The following LDLRAD3 variants were observed in gnomAD, a reference collection of about 807,000 sequenced individuals.
The protein encoded by LDLRAD3 is low-density lipoprotein receptor class A domain-containing protein 3.
A neutral mutation model predicts 29.4 loss-of-function variants in LDLRAD3; 20 were observed. That is an observed-to-expected ratio of 0.68 (90% CI 0.48 to 0.99). The LOEUF (loss-of-function observed/expected upper bound fraction) is 0.99, where lower values mean the gene tolerates loss of function less well. LDLRAD3 is among the 50% of genes least tolerant of loss of function. The pLI is 0.00. For synonymous variants in LDLRAD3, 157 were observed against 192.7 expected, an observed-to-expected ratio of 0.81 and a Z score of 1.53; for missense variants, 420 against 454.3, an observed-to-expected ratio of 0.92 and a Z score of 0.69.
chr11:36,219,680 A>G (rs2133387875), intron 4 of LDLRAD3, among the ~76,000 whole-genome samples: 1 of 152,394 alleles, frequency 6.6e-6, no homozygotes, highest in East Asian at 1.9e-4. Flanking sequence ...ACATAAATGT[A>G]GAAGCTAAAG....
chr11:36,076,404 T>C (rs1190482293), intron 2 of LDLRAD3, among the ~76,000 whole-genome samples: 2 of 152,050 alleles, frequency 1.3e-5, no homozygotes, highest in Non-Finnish European at 2.9e-5. Flanking sequence ...CTTTTTTTTT[T>C]TGAGATGAGT....
intron 4 of LDLRAD3, among the ~76,000 whole-genome samples, chr11:36,202,357 A>G (rs984132679): frequency 6.6e-6 from 1 of 152,160 alleles, no homozygotes; most frequent in Non-Finnish European, 1.5e-5. Context: ...TTTATCTATA[A>G]TGCAGGATGT....
chr11:36,006,183 T>C (rs118047503), intron 1 of LDLRAD3, among the ~76,000 whole-genome samples: 1 of 152,334 alleles, frequency 6.6e-6, no homozygotes, highest in East Asian at 1.9e-4. Context: ...AGCAGTTTGA[T>C]TCTGTTTAAT....
intron 4 of LDLRAD3, among the ~76,000 whole-genome samples, chr11:36,111,928 A>C (rs1853612005): frequency 6.6e-6 from 1 of 152,100 alleles, no homozygotes; most frequent in South Asian, 2.1e-4. Flanking sequence ...CATTTTGTGG[A>C]ATGCCTCTAA....
At chr11:36,060,401 T>C (rs1852681403) in intron 2 of LDLRAD3, among the ~76,000 whole-genome samples, 1 of 150,692 alleles carries the variant, frequency 6.6e-6, no homozygotes, top group Non-Finnish European at 1.5e-5. Context: ...TCAAAGATCA[T>C]GTAGCCATGT....
intron 1 of LDLRAD3, among the ~76,000 whole-genome samples, chr11:36,031,890 A>G (rs1244576190): frequency 1.3e-5 from 2 of 152,238 alleles, no homozygotes; most frequent in Non-Finnish European, 2.9e-5. Context: ...AGCAAAGTCC[A>G]CAGACTGGGT....
intron 2 of LDLRAD3, among the ~76,000 whole-genome samples, chr11:36,064,529 A>G (rs1161706149): frequency 7.7e-6 from 1 of 130,168 alleles, no homozygotes; most frequent in African/African-American, 3.0e-5. Context: ...CATGTTGCCC[A>G]GGCTGGTCTC....
At chr11:36,093,587 G>A (rs570632107) in intron 3 of LDLRAD3, among the ~76,000 whole-genome samples, 1 of 152,228 alleles carries the variant, frequency 6.6e-6, no homozygotes, top group African/African-American at 2.4e-5. Flanking sequence ...ACCTCCACAG[G>A]CAGTGACGCT....
At chr11:36,079,231 T>C (rs1853070946) in intron 2 of LDLRAD3, among the ~76,000 whole-genome samples, 1 of 152,348 alleles carries the variant, frequency 6.6e-6, no homozygotes, top group East Asian at 1.9e-4. Context: ...TTTTGACTTA[T>C]CAGTATGTCC....
At chr11:35,965,034 G>A (rs1299454003) in intron 1 of LDLRAD3, among the ~76,000 whole-genome samples, 2 of 151,138 alleles carry the variant, frequency 1.3e-5, no homozygotes, top group African/African-American at 4.9e-5. Context: ...TGGGGCGGAA[G>A]TGGAGGCAGC....
At chr11:36,055,934 G>A (rs972425666) in intron 2 of LDLRAD3, among the ~76,000 whole-genome samples, 1 of 147,764 alleles carries the variant, frequency 6.8e-6, no homozygotes, top group Non-Finnish European at 1.5e-5. Context: ...TATGCAAAAT[G>A]GTAGAGACTC....
At chr11:36,051,179 T>A (rs1384468412) in intron 2 of LDLRAD3, among the ~76,000 whole-genome samples, 3 of 152,200 alleles carry the variant, frequency 2.0e-5, no homozygotes, top group Non-Finnish European at 4.4e-5. Flanking sequence ...AAGAAGAGGA[T>A]GCTGCATATT....
At chr11:36,048,745 T>A (rs541181850) in intron 2 of LDLRAD3, among the ~76,000 whole-genome samples, 2 of 152,326 alleles carry the variant, frequency 1.3e-5, no homozygotes, top group Admixed American at 6.5e-5. Context: ...CCACCAGGCC[T>A]CTTCCATCTC....
Position 36,098,481 on chromosome 11 carries a change from T to A in LDLRAD3, c.454+20T>A, listed in dbSNP as rs1231194187. 8.7e-6 allele frequency: 14 copies of A among 1,613,834 alleles called. 1 individual carries two copies. In the South Asian group the frequency reaches 1.5e-4, roughly 18 times the overall value. ...CTCAAGGTAGGAACCTCTCAAGCTC[T>A]AAAAAGATAATTGCAACACAACACT... On this transcript the variant is annotated intron_variant, in intron 4 of 5. Transcript: ENST00000315571.
intron 1 of LDLRAD3, among the ~76,000 whole-genome samples, chr11:35,950,855 G>A (rs1009584848): frequency 6.6e-6 from 1 of 152,162 alleles, no homozygotes; most frequent in African/African-American, 2.4e-5. Context: ...GGGCCGAGGT[G>A]GGCGGATCAC....
chr11:36,220,265 A>G (rs1246072901), intron 4 of LDLRAD3, among the ~76,000 whole-genome samples: 1 of 152,206 alleles, frequency 6.6e-6, no homozygotes, highest in Non-Finnish European at 1.5e-5. Context: ...TGCTATAGCA[A>G]CTTTGGAGAA....
At chr11:36,189,460 G>C (rs1455370526) in intron 4 of LDLRAD3, among the ~76,000 whole-genome samples, 1 of 151,836 alleles carries the variant, frequency 6.6e-6, no homozygotes, top group Admixed American at 6.6e-5. Context: ...CTCCAGCTTG[G>C]GTGACAGAGC....
intron 3 of LDLRAD3, among the ~76,000 whole-genome samples, chr11:36,088,053 C>T (rs193251293): frequency 6.6e-6 from 1 of 152,000 alleles, no homozygotes; most frequent in East Asian, 1.9e-4. Context: ...TGGGGTTTTG[C>T]CATGTTGCCC....
intron 4 of LDLRAD3, among the ~76,000 whole-genome samples, chr11:36,191,204 G>C (rs560962606): frequency 2.6e-5 from 4 of 152,194 alleles, no homozygotes; most frequent in Admixed American, 1.3e-4. Flanking sequence ...AGACAGTGGT[G>C]GATCCGAAGG....
Sources: allele counts gnomAD v4.1 joint callset (sites outside exome capture counted in the v4.1 genomes callset), GRCh38; gene constraint gnomAD v4.1.1; transcripts MANE v1.5; gene names NCBI Gene and HGNC (gene_info 2026-07-23, HGNC 2026-07-21).